The following HOMER1 variants were observed in gnomAD, a reference collection of about 807,000 sequenced individuals.
HOMER1 encodes homer protein homolog 1.
A neutral mutation model predicts 48.9 loss-of-function variants in HOMER1; 3 were observed. That is an observed-to-expected ratio of 0.06 (90% CI 0.03 to 0.16). The LOEUF (loss-of-function observed/expected upper bound fraction) is 0.16. HOMER1 is among the 10% of genes least tolerant of loss of function. The probability of loss-of-function intolerance (pLI) is 1.00; values close to 1 mark genes in which losing one functional copy is unlikely to be tolerated. For synonymous variants in HOMER1, 134 were observed against 146.4 expected, an observed-to-expected ratio of 0.92 and a Z score of 0.61; for missense variants, 247 against 411.4, an observed-to-expected ratio of 0.60 and a Z score of 3.46.
intron 6 of HOMER1, 68 bp downstream of exon 6, chr5:79,401,831 T>C (rs948891366): frequency 6.8e-6 from 10 of 1,473,780 alleles, no homozygotes; most frequent in East Asian, 2.3e-5. Flanking sequence ...TGAATCTACA[T>C]GCAAATTTCT....
intron 1 of HOMER1, chr5:79,510,966 C>G: frequency 2.0e-6 from 1 of 499,730 alleles, no homozygotes; most frequent in South Asian, 3.6e-5. Context: ...CTGCATGGGG[C>G]TGTGGGGCTG....
At chr5:79,432,395 T>G (rs1391609938) in intron 5 of HOMER1, among the ~76,000 whole-genome samples, 1 of 152,164 alleles carries the variant, frequency 6.6e-6, no homozygotes, top group African/African-American at 2.4e-5. Context: ...CTAGTCTTCT[T>G]GAAAAGAGAA....
intron 6 of HOMER1, 80 bp from the exon 7 acceptor site, chr5:79,397,717 T>A (rs190649794): frequency 1.2e-4 from 88 of 737,394 alleles, no homozygotes; most frequent in Non-Finnish European, 1.9e-4. Flanking sequence ...CCCAAATAAG[T>A]GAATAGTATA....
intron 6 of HOMER1, among the ~76,000 whole-genome samples, chr5:79,398,598 TATA>T (rs2112216357): frequency 6.6e-6 from 1 of 152,254 alleles, no homozygotes; most frequent in Admixed American, 6.5e-5. Flanking sequence ...TGGACTTAAT[TATA>T]ATCTTTTTTT....
chr5:79,460,163 G>C (rs560894085), intron 1 of HOMER1, among the ~76,000 whole-genome samples: 5 of 152,102 alleles, frequency 3.3e-5, no homozygotes, highest in Non-Finnish European at 7.3e-5. Flanking sequence ...CTCCAGCTTT[G>C]CATTTTAGAA....
chr5:79,431,842 A>G (rs1033476930), intron 5 of HOMER1, among the ~76,000 whole-genome samples: 4 of 152,216 alleles, frequency 2.6e-5, no homozygotes, highest in African/African-American at 9.7e-5. Flanking sequence ...ACCACTTTCA[A>G]TATCAGTGAT....
intron 8 of HOMER1, among the ~76,000 whole-genome samples, chr5:79,390,706 C>T (rs1043863965): frequency 6.6e-6 from 1 of 151,930 alleles, no homozygotes; most frequent in African/African-American, 2.4e-5. Flanking sequence ...CAGTAAATTA[C>T]GTAACATAGA....
chr5:79,448,558 C>T (rs1018898629), intron 3 of HOMER1, among the ~76,000 whole-genome samples: 2 of 152,026 alleles, frequency 1.3e-5, no homozygotes, highest in African/African-American at 4.8e-5. Flanking sequence ...TTTTTTTCAA[C>T]GATGGTACTT....
chr5:79,443,166 G>A (rs1299233076), intron 4 of HOMER1, among the ~76,000 whole-genome samples: 1 of 152,102 alleles, frequency 6.6e-6, no homozygotes, highest in Non-Finnish European at 1.5e-5. Flanking sequence ...ACTGAATTAA[G>A]TACTATGTAA....
intron 8 of HOMER1, among the ~76,000 whole-genome samples, chr5:79,379,434 TTATTA>T (rs1748903888): frequency 8.7e-6 from 1 of 115,058 alleles, no homozygotes; most frequent in South Asian, 2.5e-4. Context: ...TATTATATAT[TTATTA>T]TATATTTATA....
At chr5:79,383,679 T>G (rs1390538543) in intron 8 of HOMER1, among the ~76,000 whole-genome samples, 2 of 152,176 alleles carry the variant, frequency 1.3e-5, no homozygotes, top group East Asian at 3.8e-4. Context: ...CCACCTCGCC[T>G]GGCCTACAGA....
At chr5:79,385,320 T>C (rs1430184642) in intron 8 of HOMER1, among the ~76,000 whole-genome samples, 1 of 152,016 alleles carries the variant, frequency 6.6e-6, no homozygotes, top group Admixed American at 6.6e-5. Context: ...GACAACCTGT[T>C]GAATGGGAGA....
At position 79,439,546 on chromosome 5, in the gene HOMER1, G is replaced by A. The variant is rs994584632; in HGVS notation, c.388-397C>T. On this transcript the variant is annotated intron_variant, in intron 4 of 8. Transcript: ENST00000334082. ...AAATGCAAGAAGATGTGATTTTGGT[G>A]AAAGAAGTAGATAATGGAAGGGGTA... Among the ~76,000 whole-genome samples, 8 of 152,284 alleles carry A rather than the reference G, an allele frequency of 5.3e-5. 1 individual carries two copies. Among genetic ancestry groups the A allele is most frequent in the Admixed American group, 4.6e-4 (7 of 15,296 alleles).
intron 2 of HOMER1, among the ~76,000 whole-genome samples, chr5:79,454,294 T>A (rs1406616866): frequency 6.6e-6 from 1 of 152,186 alleles, no homozygotes; most frequent in Non-Finnish European, 1.5e-5. Flanking sequence ...GTTGACCTTT[T>A]TTTGTATACA....
chr5:79,458,298 G>T (rs1751226420), intron 1 of HOMER1, among the ~76,000 whole-genome samples: 1 of 151,772 alleles, frequency 6.6e-6, no homozygotes, highest in African/African-American at 2.4e-5. Flanking sequence ...TTTTTTAAGA[G>T]CCCAAATAAA....
chr5:79,497,202 CA>C lies in HOMER1; in HGVS notation c.5+15567del, dbSNP rs1348509757. On this transcript the variant is annotated intron_variant, in intron 1 of 8. Coordinates refer to ENST00000334082, the MANE Select transcript of HOMER1 (RefSeq NM_004272.5). ...TCTAAAAGCAGAAAACTTCAGAAGT[CA>C]AAGCAGTATCTGGTAGTTTAAAACC... is the stretch of plus-strand genomic sequence containing the variant. Among the ~76,000 whole-genome samples, 14 of 151,890 alleles carry C rather than the reference CA, an allele frequency of 9.2e-5. No individual in the cohort carries two copies. The East Asian group carries it at 2.7e-3, about 29-fold the overall frequency.
At chr5:79,463,130 G>A (rs899851655) in intron 1 of HOMER1, among the ~76,000 whole-genome samples, 10 of 152,208 alleles carry the variant, frequency 6.6e-5, no homozygotes, top group Non-Finnish European at 1.0e-4. Context: ...GACCCTGTTC[G>A]CTGACTATCT....
At chr5:79,468,690 T>C (rs767453186) in intron 1 of HOMER1, among the ~76,000 whole-genome samples, 1 of 152,242 alleles carries the variant, frequency 6.6e-6, no homozygotes, top group Non-Finnish European at 1.5e-5. Flanking sequence ...TTCCTGTATG[T>C]TTTCTTGTGC....
intron 1 of HOMER1, among the ~76,000 whole-genome samples, chr5:79,463,445 C>T (rs1335767617): frequency 1.3e-5 from 2 of 152,204 alleles, no homozygotes; most frequent in Non-Finnish European, 2.9e-5. Flanking sequence ...CCAAAGCCAA[C>T]ATTCTCTGTC....
Sources: gnomAD v4.1 joint callset for allele counts (sites outside exome capture counted in the v4.1 genomes callset) on GRCh38, gnomAD v4.1.1 for gene constraint, MANE v1.5 for transcripts, NCBI Gene and HGNC (gene_info 2026-07-23, HGNC 2026-07-21) for gene names.